Variants in ZNF541 observed in about 807,000 individuals in gnomAD.
The protein encoded by ZNF541 is zinc finger protein 541.
In ZNF541, 23 loss-of-function variants were observed where a neutral mutation model predicts 123.5. The observed-to-expected ratio is 0.19, with a 90% CI of 0.13 to 0.26. The LOEUF is 0.26. Ranked by LOEUF, ZNF541 falls within the 10% of genes least tolerant of loss-of-function variation. ZNF541 has a pLI of 1.00. For missense variants in ZNF541, 1,612 were observed against 1,789.9 expected, an observed-to-expected ratio of 0.90 and a Z score of 1.79; for synonymous variants, 751 against 754.5, an observed-to-expected ratio of 1.00 and a Z score of 0.08.
At position 47,551,037 on chromosome 19, in the gene ZNF541, C is replaced by T. The variant is rs59493553; in HGVS notation, c.308-1552G>A. Among the ~76,000 whole-genome samples, 601 of 150,846 alleles carry T rather than the reference C, an allele frequency of 4.0e-3. 3 individuals carry two copies. Among genetic ancestry groups the T allele is most frequent in the African/African-American group, 0.014 (563 of 40,698 alleles). ...AGATTGACCTGAAAGGTGGATTAGA[C>T]TGTCTTTTTTTTTTTAATTTTTTTT... On this transcript the variant is annotated intron_variant, in intron 3 of 16. Transcript: ENST00000391901.
chr19:47,522,744 C>CTTT (rs35868495), intron 14 of ZNF541, among the ~76,000 whole-genome samples: 1 of 112,454 alleles, frequency 8.9e-6, no homozygotes, highest in Non-Finnish European at 1.8e-5. Flanking sequence ...TGCAGTGAGC[C>CTTT]TTTTTTTTTT....
At chr19:47,530,309 C>G (rs1438653584) in intron 12 of ZNF541, among the ~76,000 whole-genome samples, 1 of 151,004 alleles carries the variant, frequency 6.6e-6, no homozygotes, top group Non-Finnish European at 1.5e-5. Context: ...GCTGGGACTA[C>G]AGGTATCTGC....
At position 47,545,610 on chromosome 19, in the gene ZNF541, A is replaced by G. The variant is rs775451409; in HGVS notation, c.919T>C (p.Cys307Arg). 1 of 1,549,436 alleles carries G rather than the reference A, an allele frequency of 6.5e-7. No individual in the cohort carries two copies. The highest frequency in any genetic ancestry group is 1.2e-5 in the South Asian group (1 of 83,958). Residue 307 changes from cysteine to arginine, a missense_variant, in exon 5 of 17, where the codon TGT becomes CGT. Around this residue, in one of 5 missense-constraint regions of ZNF541, gnomAD observed 1,080 missense variants for 1,013.8 expected, o/e 1.07. Coordinates refer to ENST00000391901, the MANE Select transcript of ZNF541 (RefSeq NM_001277075.3). This position sits in a 1 kb window ranked among gnomAD's most constrained non-coding sequence, Gnocchi z 7.5. ...ASDSEGRNTA[C>R]PCPASSGSSS... is the part of the protein sequence containing the mutation. ...GACCCCGATGAGGCGGGGCAGGGAC[A>G]GGCAGTGTTCCTCCCTTCGCTGTCT...
intron 5 of ZNF541, 127 bp from the exon 6 acceptor site, chr19:47,541,078 T>C (rs1970061464): frequency 4.8e-6 from 4 of 830,492 alleles, no homozygotes; most frequent in Middle Eastern, 2.5e-4. Context: ...AGTGGTTTCT[T>C]AGATAAGACA....
At chr19:47,543,642 TC>T (rs1199039749) in intron 5 of ZNF541, among the ~76,000 whole-genome samples, 5 of 150,268 alleles carry the variant, frequency 3.3e-5, no homozygotes, top group Admixed American at 3.3e-4. Context: ...CTCATGTTGA[TC>T]TTTTTTTTTT....
In ZNF541 at chr19:47,545,485, G is replaced by C; in HGVS notation, c.1044C>G (p.Asp348Glu). ...CCCTGGAATTAGGGGCTGTGAACAC[G>C]TCAGTGGCCGGCTCTTTCTGTGGGA... ...PCLPQKEPAT[D>E]VFTAPNSRAA... The change falls in exon 5 of 17, where the codon GAC becomes GAG. Residue 348 changes from aspartate to glutamate, a missense_variant. Around this residue, in one of 5 missense-constraint regions of ZNF541, gnomAD observed 1,080 missense variants for 1,013.8 expected, o/e 1.07. Coordinates refer to ENST00000391901, the MANE Select transcript of ZNF541 (RefSeq NM_001277075.3). This position sits in a 1 kb window ranked among gnomAD's most constrained non-coding sequence, Gnocchi z 7.5. 6.7e-7 allele frequency: 1 copy of C among 1,493,238 alleles called. No individual in the cohort carries two copies. Among genetic ancestry groups the C allele is most frequent in the Non-Finnish European group, 8.9e-7 (1 of 1,118,396 alleles). The allele number at this position is 1,493,238 out of a possible 1,614,324, so 92.5% of individuals were successfully genotyped here.
At chr19:47,547,459 G>A (rs1970403403) in intron 4 of ZNF541, among the ~76,000 whole-genome samples, 1 of 152,102 alleles carries the variant, frequency 6.6e-6, no homozygotes, top group Non-Finnish European at 1.5e-5. Context: ...GCCCTGCTCT[G>A]GACAGTCCTA....
chr19:47,542,525 G>A (rs1207530957), intron 5 of ZNF541, among the ~76,000 whole-genome samples: 17 of 152,102 alleles, frequency 1.1e-4, no homozygotes, highest in Admixed American at 9.2e-4. Context: ...GGTGATGTGT[G>A]CCTGTAATCC....
Position 47,521,660 on chromosome 19 carries a change from G to A in ZNF541, c.3712-6C>T. 6.4e-7 allele frequency: 1 copy of A among 1,551,530 alleles called. No individual in the cohort carries two copies. Among genetic ancestry groups the A allele is most frequent in the South Asian group, 1.2e-5 (1 of 84,042 alleles). ...TCCCGAGGGCTGCATGGGACCTGCA[G>A]AGGGAGCAAAAGTGACATAAGGGTG... is the stretch of plus-strand genomic sequence containing the variant. On this transcript the variant is annotated splice_polypyrimidine_tract_variant and splice_region_variant and intron_variant, in intron 15 of 16. Transcript: ENST00000391901. The surrounding 1 kb of genome is among the most constrained non-coding windows in gnomAD (Gnocchi z 4.2).
chr19:47,538,231 GGGCTGA>G lies in ZNF541; in HGVS notation c.2999_3004del (p.Leu1000_Ser1001del). 1 of 1,551,654 alleles carries G rather than the reference GGGCTGA, an allele frequency of 6.4e-7. No homozygotes were observed. Among genetic ancestry groups the G allele is most frequent in the Non-Finnish European group, 8.7e-7 (1 of 1,146,986 alleles). On this transcript the variant is annotated inframe_deletion, in exon 9 of 17. Transcript: ENST00000391901. ...GTACACCCCAGAGCCCTCCCGGATG[GGGCTGA>G]GCATTGGGGGTGGTGTGTAGGGGGA...
intron 2 of ZNF541, among the ~76,000 whole-genome samples, chr19:47,563,588 T>C (rs1568522329): frequency 6.6e-6 from 1 of 152,134 alleles, no homozygotes; most frequent in Non-Finnish European, 1.5e-5. Context: ...CTCCCAATAA[T>C]AAAAACAAGT....
chr19:47,549,238 C>CA lies in ZNF541; in HGVS notation c.548+6dup. On this transcript the variant is annotated splice_region_variant and intron_variant, in intron 4 of 16. Coordinates refer to ENST00000391901, the MANE Select transcript of ZNF541 (RefSeq NM_001277075.3). The stretch of plus-strand genomic sequence containing the variant: ...ACAGACGTTTTTCTGACCAGACTCC[C>CA]ACATACAGGTGGTCCTGGCGCTTAA... The CA allele has an allele frequency of 6.4e-7, 1 of 1,552,020 alleles. No individual in the cohort carries two copies. Among genetic ancestry groups the CA allele is most frequent in the Non-Finnish European group, 8.7e-7 (1 of 1,147,060 alleles).
chr19:47,565,093 T>C (rs976241141), intron 2 of ZNF541, among the ~76,000 whole-genome samples: 1 of 151,720 alleles, frequency 6.6e-6, no homozygotes, highest in South Asian at 2.1e-4. Flanking sequence ...ACTTTGTAAG[T>C]GAGAGCTAAG....
Position 47,555,586 on chromosome 19 carries a change from C to G in ZNF541, c.271G>C (p.Glu91Gln), listed in dbSNP as rs1376494835. The G allele has an allele frequency of 6.4e-7, 1 of 1,550,700 alleles. No homozygotes were observed. Among genetic ancestry groups the G allele is most frequent in the Non-Finnish European group, 8.7e-7 (1 of 1,146,370 alleles). The change falls in exon 3 of 17, where the codon GAG becomes CAG. Residue 91 changes from glutamate (E) to glutamine (Q), a missense_variant. Around this residue, in one of 5 missense-constraint regions of ZNF541, gnomAD observed 212 missense variants for 289.6 expected, o/e 0.73. Transcript: ENST00000391901. ...KDSDSVKLLEEYADSESQASL... is the reference protein window; with the variant it reads ...KDSDSVKLLEQYADSESQASL... ...GCCTGAGACTCCGAATCTGCGTACT[C>G]CTCCAGCAGCTTCACAGAATCACTG...
intron 3 of ZNF541, among the ~76,000 whole-genome samples, chr19:47,551,415 C>A (rs1362397237): frequency 6.6e-6 from 1 of 150,572 alleles, no homozygotes; most frequent in East Asian, 2.0e-4. Context: ...GGCTAGAGTG[C>A]AGGGGTTATT....
At position 47,539,835 on chromosome 19, in the gene ZNF541, C is replaced by A; in HGVS notation, c.2666G>T (p.Arg889Met). The A allele has an allele frequency of 6.6e-7, 1 of 1,509,892 alleles. No individual in the cohort carries two copies. The highest frequency in any genetic ancestry group is 2.7e-5 in the Admixed American group (1 of 37,076). 93.5% of individuals were successfully genotyped at this position (1,509,892 alleles called of 1,614,324 possible). Residue 889 changes from arginine (R) to methionine (M), a missense_variant, in exon 8 of 17, where the codon AGG becomes ATG. Coordinates refer to ENST00000391901, the MANE Select transcript of ZNF541 (RefSeq NM_001277075.3). ...EFCKPLRQVL[R>M]PEGDRHSPPG... ...GGGACTATGCCTGTCCCCTTCTGGC[C>A]TCAGCACCTGTCTTAGCGGCTTGCA... is the stretch of plus-strand genomic sequence containing the variant.
At chr19:47,555,055 C>T (rs1376797064) in intron 3 of ZNF541, among the ~76,000 whole-genome samples, 1 of 145,366 alleles carries the variant, frequency 6.9e-6, no homozygotes, top group African/African-American at 2.6e-5. Context: ...GAATGCACCA[C>T]TGTACTCTGC....
intron 2 of ZNF541, among the ~76,000 whole-genome samples, chr19:47,562,157 G>T (rs1971088679): frequency 6.6e-6 from 1 of 152,208 alleles, no homozygotes; most frequent in African/African-American, 2.4e-5. Context: ...GCTGAGGCAG[G>T]AGAATCGCTT....
chr19:47,524,707 A>T (rs1191358668), intron 14 of ZNF541, among the ~76,000 whole-genome samples: 1 of 129,454 alleles, frequency 7.7e-6, no homozygotes, highest in Non-Finnish European at 1.7e-5. Flanking sequence ...GACTCTGTCT[A>T]AAAAAAAAAA....
Sources: allele counts gnomAD v4.1 joint callset (sites outside exome capture counted in the v4.1 genomes callset), GRCh38; gene constraint gnomAD v4.1.1; regional missense constraint gnomAD v4.1.1; non-coding constraint Gnocchi (gnomAD v3.1); transcripts MANE v1.5; gene names NCBI Gene and HGNC (gene_info 2026-07-23, HGNC 2026-07-21).